UBXN2A: variants seen among roughly 807,000 people sequenced by gnomAD.
UBXN2A encodes UBX domain protein 2A.
UBXN2A carries 28 observed loss-of-function variants against 28.4 expected under a neutral mutation model. The ratio of observed to expected loss-of-function variants is 0.99; its 90% confidence interval spans 0.73 to 1.35. UBXN2A has a LOEUF of 1.35. Among genes scored for constraint, UBXN2A ranks in the 40% most tolerant of loss-of-function variants. The probability of loss-of-function intolerance (pLI) is 0.00; values close to 1 mark genes in which losing one functional copy is unlikely to be tolerated. For missense variants in UBXN2A, 253 were observed against 297.9 expected, an observed-to-expected ratio of 0.85 and a Z score of 1.11; for synonymous variants, 97 against 103.6, an observed-to-expected ratio of 0.94 and a Z score of 0.39.
chr2:23,935,771 C>T (rs28866579), upstream of UBXN2A, among the ~76,000 whole-genome samples: 1,606 of 152,232 alleles, frequency 0.011, 25 homozygotes, highest in African/African-American at 0.037. Flanking sequence ...TTGAAAACGC[C>T]AGGCACGGTG....
chr2:23,930,426 A>G (rs1006764929), intron 1 of UBXN2A, among the ~76,000 whole-genome samples: 1 of 152,240 alleles, frequency 6.6e-6, no homozygotes, highest in African/African-American at 2.4e-5. Context: ...GAAACCAGTA[A>G]ACTGCAATAC....
Position 23,981,478 on chromosome 2 carries a change from A to T in UBXN2A, c.288-1418A>T, listed in dbSNP as rs1707899912. On this transcript the variant is annotated intron_variant, in intron 4 of 6. Transcript: ENST00000309033. ...GGGCAACAGAGTGAGCTCCTATCTA[A>T]AAAAAAAAAAAAAAAAAAAAAAAAA... Among the ~76,000 whole-genome samples the T allele has an allele frequency of 5.3e-5, 3 of 56,398 alleles. No individual in the cohort carries two copies. In the Admixed American group the frequency reaches 7.8e-4, roughly 15 times the overall value. The allele number at this position is 56,398 out of a possible 152,430, so 37.0% of individuals were successfully genotyped here.
At chr2:23,957,862 A>G (rs1052124657) in intron 1 of UBXN2A, among the ~76,000 whole-genome samples, 2 of 152,066 alleles carry the variant, frequency 1.3e-5, no homozygotes, top group Admixed American at 1.3e-4. Context: ...TAAATAATAA[A>G]TGTGATCCAC....
Position 23,947,058 on chromosome 2 carries a change from T to G in UBXN2A, c.-15+6410T>G, listed in dbSNP as rs558575096. The stretch of plus-strand genomic sequence containing the variant: ...GTTTGCCATGATGCCTGGCTAATGT[T>G]CTTATTTGTAGTAGTGACAGGGTCT... On this transcript the variant is annotated intron_variant, in intron 1 of 6. Coordinates refer to ENST00000309033, the MANE Select transcript of UBXN2A (RefSeq NM_181713.4). Among the ~76,000 whole-genome samples, 3 of 152,230 alleles carry G rather than the reference T, an allele frequency of 2.0e-5. No homozygotes were observed. The South Asian group carries it at 6.2e-4, about 32-fold the overall frequency.
At chr2:23,944,282 C>T (rs1705926041) in intron 1 of UBXN2A, 1 of 1,604,804 alleles carries the variant, frequency 6.2e-7, no homozygotes, top group African/African-American at 1.3e-5. Flanking sequence ...TGAAGATTCC[C>T]CAGCTATACC....
At chr2:23,950,807 G>A (rs1185411369) in intron 1 of UBXN2A, among the ~76,000 whole-genome samples, 9 of 151,944 alleles carry the variant, frequency 5.9e-5, no homozygotes, top group East Asian at 1.9e-4. Context: ...GGGTTCAAGC[G>A]ATTCTCCTGC....
chr2:23,999,770 A>G lies in UBXN2A; in HGVS notation c.683A>G (p.Asp228Gly), dbSNP rs1708671879. Reference protein sequence around the residue: ...ATALPVLRLLDETLTLEEADL... With the variant: ...ATALPVLRLLGETLTLEEADL... ...GCTCTTCCTGTCCTCAGGTTGCTAG[A>G]TGAGACACTCACACTGGAAGAAGCA... The change falls in exon 7 of 7, where the codon GAT becomes GGT. Residue 228 changes from aspartate to glycine, a missense_variant. Coordinates refer to ENST00000309033, the MANE Select transcript of UBXN2A (RefSeq NM_181713.4). The G allele has an allele frequency of 1.2e-6, 2 of 1,614,196 alleles. No homozygotes were observed. Among genetic ancestry groups the G allele is most frequent in the Non-Finnish European group, 1.7e-6 (2 of 1,180,034 alleles).
chr2:23,958,273 TTTAC>T (rs776799658), intron 1 of UBXN2A, 24 bp from the exon 2 acceptor site: 1 of 1,567,342 alleles, frequency 6.4e-7, no homozygotes, highest in Non-Finnish European at 8.6e-7. Context: ...TTACTTTCTT[TTTAC>T]TTACTTTCTT....
At chr2:23,972,612 A>G (rs937622264) in intron 3 of UBXN2A, among the ~76,000 whole-genome samples, 22 of 152,132 alleles carry the variant, frequency 1.4e-4, no homozygotes, top group Non-Finnish European at 2.9e-4. Context: ...TCACGAGGTC[A>G]GGAGTTCAAG....
intron 1 of UBXN2A, among the ~76,000 whole-genome samples, chr2:23,931,623 A>C (rs1705370734): frequency 6.6e-6 from 1 of 152,234 alleles, no homozygotes; most frequent in Admixed American, 6.5e-5. Context: ...GCTAAGTCAT[A>C]GCAGGAACCC....
At chr2:23,956,248 A>G (rs1573551650) in intron 1 of UBXN2A, among the ~76,000 whole-genome samples, 1 of 151,688 alleles carries the variant, frequency 6.6e-6, no homozygotes, top group Non-Finnish European at 1.5e-5. Flanking sequence ...ATCCACTAGT[A>G]TTGTTATTTT....
intron 1 of UBXN2A, among the ~76,000 whole-genome samples, chr2:23,933,982 G>A (rs868805201): frequency 6.6e-6 from 1 of 152,098 alleles, no homozygotes; most frequent in Non-Finnish European, 1.5e-5. Context: ...TTGGGAGGCC[G>A]AGAGGAGCAG....
chr2:23,999,797 A>C lies in UBXN2A; in HGVS notation c.710A>C (p.Asp237Ala), dbSNP rs1335040498. 6.2e-7 allele frequency: 1 copy of C among 1,614,192 alleles called. No homozygotes were observed. The highest frequency in any genetic ancestry group is 1.7e-5 in the Admixed American group (1 of 60,020). Residue 237 changes from aspartate to alanine, a missense_variant, in exon 7 of 7, where the codon GAT becomes GCT. Transcript: ENST00000309033. ...GAGACACTCACACTGGAAGAAGCAG[A>C]TTTACAGAATGCTGTCATCATTCAG... is the stretch of plus-strand genomic sequence containing the variant. ...LDETLTLEEA[D>A]LQNAVIIQRL...
intron 2 of UBXN2A, among the ~76,000 whole-genome samples, chr2:23,962,674 C>T (rs1384372442): frequency 6.9e-6 from 1 of 144,894 alleles, no homozygotes; most frequent in African/African-American, 2.6e-5. Flanking sequence ...GATGCAGTCT[C>T]GGCTCATGGC....
intron 3 of UBXN2A, among the ~76,000 whole-genome samples, chr2:23,974,606 A>G (rs1464155351): frequency 6.6e-6 from 1 of 152,018 alleles, no homozygotes; most frequent in Non-Finnish European, 1.5e-5. Context: ...TCGGCCTCCC[A>G]AAGTGCTGGG....
intron 2 of UBXN2A, among the ~76,000 whole-genome samples, chr2:23,960,033 A>G (rs943295078): frequency 2.0e-5 from 3 of 152,052 alleles, no homozygotes; most frequent in Non-Finnish European, 2.9e-5. Flanking sequence ...CGGGTGGATC[A>G]CGAAGTCAGG....
chr2:23,963,734 G>A (rs1342030460), intron 2 of UBXN2A, among the ~76,000 whole-genome samples: 1 of 152,100 alleles, frequency 6.6e-6, no homozygotes, highest in Non-Finnish European at 1.5e-5. Context: ...AAAACAGTAT[G>A]GCGATTCCTC....
At chr2:23,993,311 G>A (rs1330029499) in intron 6 of UBXN2A, among the ~76,000 whole-genome samples, 3 of 152,126 alleles carry the variant, frequency 2.0e-5, no homozygotes, top group East Asian at 1.9e-4. Flanking sequence ...AATGAAACAC[G>A]TAGCTTTTTT....
At chr2:23,942,455 G>T (rs544422658) in intron 1 of UBXN2A, among the ~76,000 whole-genome samples, 2 of 122,328 alleles carry the variant, frequency 1.6e-5, no homozygotes, top group East Asian at 5.2e-4. Flanking sequence ...ACAGAGTCTC[G>T]CTCTGTCACC....
Sources: gnomAD v4.1 joint callset for allele counts (sites outside exome capture counted in the v4.1 genomes callset) on GRCh38, gnomAD v4.1.1 for gene constraint, MANE v1.5 for transcripts, NCBI Gene and HGNC (gene_info 2026-07-23, HGNC 2026-07-21) for gene names.